TTF2: variants seen among roughly 807,000 people sequenced by gnomAD.
TTF2 encodes RNA polymerase II termination factor.
TTF2 carries 108 observed loss-of-function variants against 142.4 expected under a neutral mutation model. That is an observed-to-expected ratio of 0.76 (90% CI 0.65 to 0.89). The LOEUF is 0.89. TTF2 is among the 40% of genes least tolerant of loss of function. The pLI is 0.00. For synonymous variants in TTF2, 483 were observed against 506.2 expected, an observed-to-expected ratio of 0.95 and a Z score of 0.61; for missense variants, 1,327 against 1,379.8, an observed-to-expected ratio of 0.96 and a Z score of 0.61.
At chr1:117,062,308 C>G in intron 2 of TTF2, 79 bp from the exon 3 acceptor site, 1 of 1,335,604 alleles carries the variant, frequency 7.5e-7, no homozygotes, top group African/African-American at 1.5e-5. Flanking sequence ...GTGTAAAAAC[C>G]CATAGTTTTG....
chr1:117,088,554 C>A (rs1399655958), intron 12 of TTF2, among the ~76,000 whole-genome samples: 2 of 151,878 alleles, frequency 1.3e-5, no homozygotes, highest in Non-Finnish European at 2.9e-5. Flanking sequence ...AAAAAGGAAA[C>A]CCAAATTTGA....
rs202231967 is a variant in TTF2 at position 117,095,333 on chromosome 1, G to T, written c.3001G>T (p.Glu1001Ter). The T allele has an allele frequency of 1.2e-6, 2 of 1,614,128 alleles. No homozygotes were observed. Among genetic ancestry groups the T allele is most frequent in the East Asian group, 4.5e-5 (2 of 44,884 alleles). ...TKISSLLAELEAIQRNSASQK... is the reference protein window; with the variant it reads ...TKISSLLAEL The stretch of plus-strand genomic sequence containing the variant: ...GATTTCATCTCTGTTGGCAGAATTG[G>T]AGGCAATTCAAAGAAATTCAGCATC... Residue 1001 changes from glutamate (E) to a stop codon, truncating the protein, a stop_gained, in exon 19 of 23, where the codon GAG (glutamate) becomes TAG (stop). Transcript: ENST00000369466. LOFTEE classifies it high-confidence loss of function.
At position 117,070,954 on chromosome 1, in the gene TTF2, T is replaced by C. The variant is rs1213083159; in HGVS notation, c.219-2707T>C. 6.6e-6 allele frequency among the ~76,000 whole-genome samples: 1 copy of C among 152,158 alleles called. No individual in the cohort carries two copies. The highest frequency in any genetic ancestry group is 2.4e-5 in the African/African-American group (1 of 41,436). On this transcript the variant is annotated intron_variant, in intron 3 of 22. Transcript: ENST00000369466. This position sits in a 1 kb window ranked among gnomAD's most constrained non-coding sequence, Gnocchi z 4.2. ...TTAGGATGCAGACTGTTGTGATTCA[T>C]GTTGTACATCATGGGACTAATTTAG...
intron 10 of TTF2, among the ~76,000 whole-genome samples, chr1:117,082,237 AGG>A (rs1647584397): frequency 2.3e-5 from 1 of 44,300 alleles, no homozygotes; most frequent in East Asian, 2.9e-3. Flanking sequence ...TTTTTGAGAC[AGG>A]GTCTCGCTCT....
chr1:117,096,334 C>A, intron 20 of TTF2, 35 bp downstream of exon 20: 1 of 1,610,102 alleles, frequency 6.2e-7, no homozygotes, highest in Non-Finnish European at 8.5e-7. Context: ...GCATAATTAA[C>A]TGTTCTGAGT....
intron 9 of TTF2, among the ~76,000 whole-genome samples, chr1:117,081,533 C>T (rs1318212498): frequency 1.4e-4 from 22 of 152,144 alleles, no homozygotes; most frequent in Admixed American, 1.4e-3. Flanking sequence ...TCAGTCAGCA[C>T]ATTGTGCGGG....
Position 117,073,600 on chromosome 1 carries a change from C to G in TTF2, c.219-61C>G, listed in dbSNP as rs1570809655. The G allele has an allele frequency of 1.5e-5, 23 of 1,484,888 alleles. No individual in the cohort carries two copies. The East Asian group carries it at 5.2e-4, about 33-fold the overall frequency. The allele number at this position is 1,484,888 out of a possible 1,614,324, so 92.0% of individuals were successfully genotyped here. A position where few individuals can be genotyped will look rare whatever the true frequency, so the allele number is the denominator to read the frequency against. On this transcript the variant is annotated intron_variant, in intron 3 of 22. Coordinates refer to ENST00000369466, the MANE Select transcript of TTF2 (RefSeq NM_003594.4). This position sits in a 1 kb window ranked among gnomAD's most constrained non-coding sequence, Gnocchi z 4.4. ...GATGTTTTCTTGGATTAAAAATAAG[C>G]TTATCTCTTGTTCTAATGGATTTTC...
Position 117,097,549 on chromosome 1 carries a change from C to A in TTF2, c.3269+116C>A. 1.0e-6 allele frequency: 1 copy of A among 966,216 alleles called. No individual in the cohort carries two copies. Among genetic ancestry groups the A allele is most frequent in the Non-Finnish European group, 1.7e-6 (1 of 600,460 alleles). The allele number at this position is 966,216 out of a possible 1,614,324, so 59.9% of individuals were successfully genotyped here. On this transcript the variant is annotated intron_variant, in intron 21 of 22. Transcript: ENST00000369466. This position sits in a 1 kb window ranked among gnomAD's most constrained non-coding sequence, Gnocchi z 4.1. ...TTGCTGTGTTCGTATTGCAGAGATG[C>A]CTTGCTTTGTATGTGTCTATAGATA... is the stretch of plus-strand genomic sequence containing the variant.
Position 117,076,733 on chromosome 1 carries a change from C to T in TTF2, c.1483C>T (p.Leu495Phe), listed in dbSNP as rs61737095. The change falls in exon 7 of 23, where the codon CTT (leucine) becomes TTT (phenylalanine). Residue 495 changes from leucine (L) to phenylalanine (F), a missense_variant. Leu to Phe is a conservative substitution (Grantham distance 22). Transcript: ENST00000369466. The surrounding 1 kb of genome is among the most constrained non-coding windows in gnomAD (Gnocchi z 4.6). ...TCCCCACCTGGTGCCTCCCCAACCC[C>T]TTCCTCGTCGTGGTACCCAACCTGT... is the stretch of plus-strand genomic sequence containing the variant. ...GPPHLVPPQP[L>F]PRRGTQPVGS... is the part of the protein sequence containing the mutation. 9.8e-4 allele frequency: 1,577 copies of T among 1,614,174 alleles called. 15 individuals are homozygous for T. The African/African-American group carries it at 0.014, about 14-fold the overall frequency.
At chr1:117,071,032 T>C (rs1656531090) in intron 3 of TTF2, among the ~76,000 whole-genome samples, 1 of 151,708 alleles carries the variant, frequency 6.6e-6, no homozygotes, top group Admixed American at 6.6e-5. Context: ...AAGGAAGGAA[T>C]TAATGTTGGT....
At chr1:117,095,400 T>C (rs1649029636) in intron 19 of TTF2, 33 bp downstream of exon 19, 1 of 1,605,082 alleles carries the variant, frequency 6.2e-7, no homozygotes, top group South Asian at 1.1e-5. Flanking sequence ...CAAGTATTGG[T>C]CATAATTATG....
chr1:117,082,272 G>A (rs1258884481), intron 10 of TTF2, among the ~76,000 whole-genome samples: 1 of 152,150 alleles, frequency 6.6e-6, no homozygotes, highest in Non-Finnish European at 1.5e-5. Context: ...GGAGTGCAGT[G>A]CATGAACACA....
rs766462506 is a variant in TTF2 at position 117,075,419 on chromosome 1, G to T, written c.835G>T (p.Gly279Ter). 20 of 1,613,990 alleles carry T rather than the reference G, an allele frequency of 1.2e-5. No homozygotes were observed. Among genetic ancestry groups the T allele is most frequent in the Non-Finnish European group, 1.6e-5 (19 of 1,180,004 alleles). Reference protein sequence around the residue: ...HNSISKPQKGGPLNKEYTNWE... With the variant: ...HNSISKPQKG ...CTCAATAAGCAAGCCCCAGAAAGGG[G>T]GACCCCTCAACAAGGAGTACACGAA... Residue 279 changes from glycine to a stop codon, truncating the protein, a stop_gained, in exon 5 of 23, where the codon GGA becomes TGA. Coordinates refer to ENST00000369466, the MANE Select transcript of TTF2 (RefSeq NM_003594.4). LOFTEE classifies it high-confidence loss of function. The surrounding 1 kb of genome is among the most constrained non-coding windows in gnomAD (Gnocchi z 4.5).
At chr1:117,060,888 C>T (rs75971113) in intron 2 of TTF2, among the ~76,000 whole-genome samples, 1,571 of 152,252 alleles carry the variant, frequency 0.01, 25 homozygotes, top group African/African-American at 0.035. Flanking sequence ...CCCAGACAGT[C>T]CCTCCCCCTT....
At position 117,085,513 on chromosome 1, in the gene TTF2, C is replaced by T. The variant is rs1191552265; in HGVS notation, c.2055-904C>T. Among the ~76,000 whole-genome samples the T allele has an allele frequency of 6.6e-6, 1 of 152,068 alleles. No homozygotes were observed. Among genetic ancestry groups the T allele is most frequent in the African/African-American group, 2.4e-5 (1 of 41,396 alleles). On this transcript the variant is annotated intron_variant, in intron 11 of 22. Transcript: ENST00000369466. The surrounding 1 kb of genome is among the most constrained non-coding windows in gnomAD (Gnocchi z 4.7). Reference sequence around the variant, plus strand: ...GGTTGCAGTGAGCCAAGATCACACCCCTACACTCCAGTCTGGATGACCAGG... The same window carrying T: ...GGTTGCAGTGAGCCAAGATCACACCTCTACACTCCAGTCTGGATGACCAGG...
At position 117,076,670 on chromosome 1, in the gene TTF2, C is replaced by T. The variant is rs1214154234; in HGVS notation, c.1420C>T (p.Pro474Ser). 1.9e-6 allele frequency: 3 copies of T among 1,613,068 alleles called. No individual in the cohort carries two copies. Among genetic ancestry groups the T allele is most frequent in the Non-Finnish European group, 2.5e-6 (3 of 1,179,484 alleles). The change falls in exon 7 of 23, where the codon CCA becomes TCA. Residue 474 changes from proline to serine, a missense_variant. Coordinates refer to ENST00000369466, the MANE Select transcript of TTF2 (RefSeq NM_003594.4). This position sits in a 1 kb window ranked among gnomAD's most constrained non-coding sequence, Gnocchi z 4.6. Reference protein sequence around the residue: ...GTNEKSNSQVPQQSHFTKTTT... With the variant: ...GTNEKSNSQVSQQSHFTKTTT... ...TAATGAGAAGAGTAACAGTCAAGTA[C>T]CACAGCAGAGTCACTTCACCAAAAC...
intron 4 of TTF2, among the ~76,000 whole-genome samples, chr1:117,074,387 G>A (rs1449619145): frequency 6.6e-6 from 1 of 152,132 alleles, no homozygotes; most frequent in Non-Finnish European, 1.5e-5. Context: ...TTTTCCTTGA[G>A]GCCTGGAAAA....
Position 117,090,209 on chromosome 1 carries a change from G to A in TTF2, c.2496+1G>A. 1 of 1,613,752 alleles carries A rather than the reference G, an allele frequency of 6.2e-7. No individual in the cohort carries two copies. The highest frequency in any genetic ancestry group is 8.5e-7 in the Non-Finnish European group (1 of 1,179,824). Reference sequence around the variant, plus strand: ...GCTGGACTCTACTGGCAGACCTTTGGTAATCAAGTTTGTACCTGTCCCTGG... The same window carrying A: ...GCTGGACTCTACTGGCAGACCTTTGATAATCAAGTTTGTACCTGTCCCTGG... On this transcript the variant is annotated splice_donor_variant, in intron 14 of 22. Transcript: ENST00000369466. LOFTEE classifies it high-confidence loss of function. This position sits in a 1 kb window ranked among gnomAD's most constrained non-coding sequence, Gnocchi z 4.8.
chr1:117,081,369 G>A (rs1647495391), intron 9 of TTF2, among the ~76,000 whole-genome samples: 1 of 152,182 alleles, frequency 6.6e-6, no homozygotes, highest in South Asian at 2.1e-4. Context: ...CCCAAGAAAT[G>A]TTCATTTATG....
Sources: allele counts gnomAD v4.1 joint callset (sites outside exome capture counted in the v4.1 genomes callset), GRCh38; gene constraint gnomAD v4.1.1; non-coding constraint Gnocchi (gnomAD v3.1); transcripts MANE v1.5; gene names NCBI Gene and HGNC (gene_info 2026-07-23, HGNC 2026-07-21).